Variants in TTC6 observed in about 807,000 individuals in gnomAD.
TTC6 encodes tetratricopeptide repeat protein 6.
In TTC6, 172 loss-of-function variants were observed where a neutral mutation model predicts 210.4. The observed-to-expected ratio is 0.82, with a 90% CI of 0.72 to 0.93. The LOEUF (loss-of-function observed/expected upper bound fraction) is 0.93, where lower values mean the gene tolerates loss of function less well. TTC6 is among the 40% of genes least tolerant of loss of function. The pLI is 0.00. For synonymous variants in TTC6, 804 were observed against 819.6 expected (o/e 0.98, Z 0.32); for missense variants, 2,414 against 2,318.1 (o/e 1.04, Z -0.85).
intron 25 of TTC6, among the ~76,000 whole-genome samples, chr14:37,817,113 A>G (rs574614644): frequency 6.6e-6 from 1 of 152,324 alleles, no homozygotes; most frequent in African/African-American, 2.4e-5. Context: ...GCTCATCCAC[A>G]CAGACCCTTT....
intron 10 of TTC6, among the ~76,000 whole-genome samples, chr14:37,739,618 A>G (rs779273130): frequency 2.0e-4 from 31 of 151,492 alleles, no homozygotes; most frequent in Non-Finnish European, 3.7e-4. Context: ...TTAAAAATAT[A>G]TGGATATCTC....
At chr14:37,614,788 C>T (rs1023481433) in intron 2 of TTC6, among the ~76,000 whole-genome samples, 1 of 151,946 alleles carries the variant, frequency 6.6e-6, no homozygotes. Context: ...GCTGTGTTGC[C>T]CAGGCTGGAG....
At chr14:37,620,204 G>A (rs1000459977), upstream of TTC6, among the ~76,000 whole-genome samples, 2 of 151,970 alleles carry the variant, frequency 1.3e-5, no homozygotes, top group African/African-American at 4.8e-5. Context: ...AAATTATTGG[G>A]GGATATATAC....
chr14:37,790,933 C>T (rs759174099), intron 16 of TTC6, 96 bp downstream of exon 18: 5 of 1,073,398 alleles, frequency 4.7e-6, no homozygotes, highest in Non-Finnish European at 6.5e-6. Context: ...TCATTGATAA[C>T]CTAGAAAAAA....
intron 11 of TTC6, 94 bp from the exon 14 acceptor site, chr14:37,749,620 G>A (rs1308266608): frequency 1.1e-5 from 12 of 1,057,444 alleles, no homozygotes; most frequent in Non-Finnish European, 1.4e-5. Context: ...TACATACAAA[G>A]CCACTGGGAT....
exon 31 of TTC6, chr14:37,842,200 C>T (rs887115282): frequency 1.2e-6 from 2 of 1,607,654 alleles, no homozygotes; most frequent in Non-Finnish European, 8.5e-7. Flanking sequence ...AATTTTAGAG[C>T]AAAAGTTCGT....
In TTC6 at chr14:37,830,733, A is replaced by C. The variant is rs994920005; in HGVS notation, c.5298+3367A>C. Among the ~76,000 whole-genome samples the C allele has an allele frequency of 2.4e-5, 3 of 127,244 alleles. No individual in the cohort carries two copies. In the Admixed American group the frequency reaches 2.7e-4, roughly 12 times the overall value. 83.5% of individuals were successfully genotyped at this position (127,244 alleles called of 152,430 possible). ...CTTGATGGCAATTGCTTCCTTAAAA[A>C]TTTTTTTCTAAAATAGATTTTTTTA... On this transcript the variant is annotated intron_variant, in intron 29 of 30. Coordinates refer to ENST00000553443, the Ensembl canonical transcript of TTC6.
chr14:37,719,471 T>G (rs1054758254), intron 6 of TTC6, among the ~76,000 whole-genome samples: 2 of 152,096 alleles, frequency 1.3e-5, no homozygotes, highest in African/African-American at 4.8e-5. Context: ...ATTACAGTCA[T>G]TAAGATGGTG....
intron 21 of TTC6, 79 bp from the exon 24 acceptor site, chr14:37,806,282 T>C (rs2096118386): frequency 4.5e-6 from 6 of 1,342,108 alleles, no homozygotes; most frequent in Non-Finnish European, 5.9e-6. Context: ...ACAATAATTA[T>C]ATACTGTAAT....
intron 5 of TTC6, among the ~76,000 whole-genome samples, chr14:37,713,865 T>C (rs2095848401): frequency 6.6e-6 from 1 of 152,150 alleles, no homozygotes; most frequent in Non-Finnish European, 1.5e-5. Flanking sequence ...TCGTAATGTG[T>C]TTCTTCCTAT....
chr14:37,685,521 T>G (rs948633566), intron 3 of TTC6, among the ~76,000 whole-genome samples: 19 of 152,180 alleles, frequency 1.2e-4, no homozygotes, highest in Non-Finnish European at 2.2e-4. Flanking sequence ...TGACAAGAGA[T>G]GACAGCTGCC....
chr14:37,780,858 T>C (rs1421146915), intron 14 of TTC6, among the ~76,000 whole-genome samples: 1 of 152,126 alleles, frequency 6.6e-6, no homozygotes, highest in Non-Finnish European at 1.5e-5. Flanking sequence ...ATCTCCCAGT[T>C]ATGAGTGAGA....
Position 37,808,750 on chromosome 14 carries a change from TACAG to T in TTC6, c.4475_4478del (p.Thr1492IlefsTer2). 1.3e-6 allele frequency: 2 copies of T among 1,503,926 alleles called. No homozygotes were observed. The highest frequency in any genetic ancestry group is 1.8e-6 in the Non-Finnish European group (2 of 1,125,522). The allele number at this position is 1,503,926 out of a possible 1,614,324, so 93.2% of individuals were successfully genotyped here. A position where few individuals can be genotyped will look rare whatever the true frequency, so the allele number is the denominator to read the frequency against. On this transcript the variant is annotated frameshift_variant, in exon 24 of 31. Coordinates refer to ENST00000553443, the Ensembl canonical transcript of TTC6. LOFTEE classifies it high-confidence loss of function. ...CTTTTTAGACTTATAAGCTAGCAAT[TACAG>T]ATTTAACTACAGCTATCAGCATGGA...
chr14:37,838,187 T>A (rs1270464952), intron 29 of TTC6, among the ~76,000 whole-genome samples: 1 of 152,182 alleles, frequency 6.6e-6, no homozygotes. Context: ...TAGAGATTTC[T>A]AAATTGATTA....
exon 6 of TTC6, chr14:37,714,758 C>A: frequency 6.5e-7 from 1 of 1,535,180 alleles, no homozygotes; most frequent in Non-Finnish European, 8.7e-7. Context: ...AACTAGAGAG[C>A]GTGCTCACAA....
intron 1 of TTC6, among the ~76,000 whole-genome samples, chr14:37,637,720 G>A (rs1229254265): frequency 1.3e-5 from 2 of 152,148 alleles, no homozygotes; most frequent in East Asian, 3.9e-4. Flanking sequence ...TAAGCACATG[G>A]AAAAATGTTT....
intron 4 of TTC6, 41 bp downstream of exon 6, chr14:37,696,876 G>C: frequency 1.1e-6 from 1 of 875,770 alleles, no homozygotes; most frequent in Non-Finnish European, 1.6e-6. Context: ...TGGGAGAGGA[G>C]TTATTCAGTA....
chr14:37,841,707 G>T (rs1047332901), intron 30 of TTC6, 37 bp downstream of exon 32: 1 of 1,476,544 alleles, frequency 6.8e-7, no homozygotes, highest in African/African-American at 1.4e-5. Flanking sequence ...AGATTACAGT[G>T]GTTGAAGTGA....
At chr14:37,759,859 A>T (rs897263577) in intron 14 of TTC6, among the ~76,000 whole-genome samples, 1 of 152,106 alleles carries the variant, frequency 6.6e-6, no homozygotes, top group Non-Finnish European at 1.5e-5. Context: ...CAGGTCATTT[A>T]TCTTCTTCTC....
Sources: gnomAD v4.1 joint callset for allele counts (sites outside exome capture counted in the v4.1 genomes callset) on GRCh38, gnomAD v4.1.1 for gene constraint, MANE v1.5 for transcripts, NCBI Gene and HGNC (gene_info 2026-07-23, HGNC 2026-07-21) for gene names.